PCDH11Y: variants seen among roughly 807,000 people sequenced by gnomAD.
PCDH11Y encodes protocadherin-11 Y-linked.
For synonymous variants in PCDH11Y, 9 were observed against 83.6 expected (o/e 0.11, Z 4.87); for missense variants, 12 against 224.8 (o/e 0.05, Z 6.05).
intron 2 of PCDH11Y, among the ~76,000 whole-genome samples, chrY:5,490,345 C>A (rs2053337458): frequency 3.0e-5 from 1 of 33,573 alleles, no homozygotes; most frequent in Admixed American, 2.7e-4. Context: ...TATATAAGGG[C>A]ACTAATCTGA....
At chrY:5,389,624 G>A in intron 2 of PCDH11Y, among the ~76,000 whole-genome samples, 1 of 31,973 alleles carries the variant, frequency 3.1e-5, no homozygotes. Context: ...GGAACACGGC[G>A]GGAGGTGACT....
At chrY:5,631,576 T>C in intron 4 of PCDH11Y, among the ~76,000 whole-genome samples, 1 of 33,348 alleles carries the variant, frequency 3.0e-5, no homozygotes, top group Non-Finnish European at 7.4e-5. Context: ...ATAATGATAA[T>C]AAATTCATCA....
chrY:5,197,487 C>T, intron 2 of PCDH11Y, among the ~76,000 whole-genome samples: 2 of 31,020 alleles, frequency 6.4e-5, no homozygotes, highest in South Asian at 1.5e-3. Context: ...GGGTATATAC[C>T]CAAAGGACTA....
intron 3 of PCDH11Y, among the ~76,000 whole-genome samples, chrY:5,532,292 C>T (rs2053394253): frequency 3.6e-5 from 1 of 28,089 alleles, no homozygotes; most frequent in African/African-American, 1.4e-4. Flanking sequence ...ACTCCATATC[C>T]GTGTTTATAT....
At chrY:5,442,888 A>G (rs9786919) in intron 2 of PCDH11Y, among the ~76,000 whole-genome samples, 6,081 of 31,750 alleles carry the variant, frequency 0.19, no homozygotes, top group African/African-American at 0.61. Context: ...GAGTAGCCCT[A>G]TATCACTTAA....
chrY:5,209,887 C>A, intron 2 of PCDH11Y, among the ~76,000 whole-genome samples: 2 of 32,675 alleles, frequency 6.1e-5, no homozygotes, highest in Non-Finnish European at 1.5e-4. Context: ...TGACCAACCA[C>A]CCCATCTCTA....
intron 3 of PCDH11Y, among the ~76,000 whole-genome samples, chrY:5,044,222 T>C: frequency 9.2e-5 from 3 of 32,558 alleles, no homozygotes; most frequent in Admixed American, 2.9e-4. Context: ...ATTTTTGATC[T>C]TTCCTGCTTT....
At chrY:5,463,696 G>A (rs2053305815) in intron 2 of PCDH11Y, among the ~76,000 whole-genome samples, 1 of 30,048 alleles carries the variant, frequency 3.3e-5, no homozygotes, top group South Asian at 8.1e-4. Context: ...TCCCCTTTCC[G>A]TTCTTCTCTG....
At chrY:5,308,773 A>C in intron 2 of PCDH11Y, among the ~76,000 whole-genome samples, 1 of 33,354 alleles carries the variant, frequency 3.0e-5, no homozygotes, top group Non-Finnish European at 7.4e-5. Flanking sequence ...GTAATAGTCT[A>C]GTTTTTGAAA....
intron 2 of PCDH11Y, among the ~76,000 whole-genome samples, chrY:5,277,700 A>G (rs2124660270): frequency 3.0e-5 from 1 of 33,694 alleles, no homozygotes; most frequent in South Asian, 6.4e-4. Flanking sequence ...TTAAGTTATC[A>G]TATAAATTTA....
chrY:5,544,743 C>A (rs2124693405), intron 3 of PCDH11Y, among the ~76,000 whole-genome samples: 1 of 31,720 alleles, frequency 3.2e-5, no homozygotes, highest in African/African-American at 1.2e-4. Flanking sequence ...GTCTAAGATA[C>A]CTATTAATTT....
chrY:5,707,822 A>G (rs2124712735), intron 4 of PCDH11Y, among the ~76,000 whole-genome samples: 1 of 32,140 alleles, frequency 3.1e-5, no homozygotes, highest in South Asian at 6.8e-4. Context: ...TTAATAACAG[A>G]GAACTTCCCA....
chrY:5,511,714 A>G (rs2124689002), intron 3 of PCDH11Y, among the ~76,000 whole-genome samples: 2 of 33,069 alleles, frequency 6.0e-5, no homozygotes, highest in African/African-American at 2.4e-4. Flanking sequence ...GAACTTTCAG[A>G]GCTGCTTTAG....
chrY:5,124,966 AT>A lies in PCDH11Y; in HGVS notation c.3129+24268del, dbSNP rs35410054. ...CCCTTCATTCCAATTGTTCAACAACATTTTTTTTTCTGACTTTACATTTAAA... is the reference window on the plus strand; with the variant it reads ...CCCTTCATTCCAATTGTTCAACAACATTTTTTTTCTGACTTTACATTTAAA... On this transcript the variant is annotated intron_variant, in intron 2 of 4. Coordinates refer to the PCDH11Y transcript ENST00000400457. Among the ~76,000 whole-genome samples the A allele has an allele frequency of 1.6e-4, 5 of 30,566 alleles. No homozygotes were observed. In the East Asian group the frequency reaches 3.3e-3, roughly 20 times the overall value. 82.0% of individuals were successfully genotyped at this position (30,566 alleles called of 37,273 possible). A position where few individuals can be genotyped will look rare whatever the true frequency, so the allele number is the denominator to read the frequency against.
intron 2 of PCDH11Y, among the ~76,000 whole-genome samples, chrY:5,247,279 A>G: frequency 3.0e-5 from 1 of 33,685 alleles, no homozygotes; most frequent in Non-Finnish European, 7.3e-5. Context: ...CAGAGTATAC[A>G]ATTCTTCTCA....
chrY:5,028,899 T>TG (rs2052583775), intron 1 of PCDH11Y, among the ~76,000 whole-genome samples: 1 of 33,286 alleles, frequency 3.0e-5, no homozygotes, highest in Admixed American at 2.8e-4. Flanking sequence ...TGTGTGTGTC[T>TG]GTGGGGGGGA....
intron 2 of PCDH11Y, among the ~76,000 whole-genome samples, chrY:5,249,031 AT>A (rs2053000900): frequency 6.1e-5 from 2 of 32,919 alleles, no homozygotes; most frequent in African/African-American, 2.4e-4. Flanking sequence ...GATATGAAGG[AT>A]CTCTTCAAGG....
intron 1 of PCDH11Y, chrY:5,031,815 A>G: frequency 3.0e-5 from 1 of 33,538 alleles, no homozygotes. Context: ...TCCTGCCATA[A>G]AATGATGGCC....
chrY:5,704,721 G>A (rs2053581793), intron 4 of PCDH11Y, among the ~76,000 whole-genome samples: 2 of 32,635 alleles, frequency 6.1e-5, no homozygotes, highest in Non-Finnish European at 1.5e-4. Flanking sequence ...GAGCCACCGC[G>A]CCCGGCCAAA....
Sources: allele counts gnomAD v4.1 joint callset (sites outside exome capture counted in the v4.1 genomes callset), GRCh38; gene constraint gnomAD v4.1.1; transcripts MANE v1.5; gene names NCBI Gene and HGNC (gene_info 2026-07-23, HGNC 2026-07-21).